The following EXOC6 variants were observed in gnomAD, a reference collection of about 807,000 sequenced individuals.
The protein encoded by EXOC6 is SEC15-like 1.
Under a neutral mutation model 112.5 loss-of-function variants are expected in EXOC6, and 60 were observed. That is an observed-to-expected ratio of 0.53 (90% CI 0.43 to 0.66). EXOC6 has a LOEUF of 0.66. Ranked by LOEUF, EXOC6 falls within the 30% of genes least tolerant of loss-of-function variation. The pLI, the probability that EXOC6 is intolerant of heterozygous loss-of-function variation, is 0.00. For synonymous variants in EXOC6, 295 were observed against 308.0 expected, an observed-to-expected ratio of 0.96 and a Z score of 0.44; for missense variants, 855 against 957.1, an observed-to-expected ratio of 0.89 and a Z score of 1.41.
chr10:92,874,556 A>ATG (rs139632796), intron 1 of EXOC6, among the ~76,000 whole-genome samples: 544 of 151,406 alleles, frequency 3.6e-3, no homozygotes, highest in African/African-American at 0.012. Context: ...ATTGTAAGAA[A>ATG]TGTGTGTGTG....
At chr10:92,957,944 G>A (rs1853782748) in intron 17 of EXOC6, among the ~76,000 whole-genome samples, 1 of 152,078 alleles carries the variant, frequency 6.6e-6, no homozygotes, top group South Asian at 2.1e-4. Context: ...TCAGTTCAGT[G>A]ACCCTAGAAA....
chr10:92,961,701 G>GT (rs11374075), intron 17 of EXOC6, among the ~76,000 whole-genome samples: 104,857 of 145,586 alleles, frequency 0.72, 38,066 homozygotes, highest in East Asian at 0.98. Flanking sequence ...TCCGCTTTCT[G>GT]TTTTTTTTTT....
At chr10:93,036,447 T>G (rs894824733) in intron 20 of EXOC6, among the ~76,000 whole-genome samples, 1 of 152,212 alleles carries the variant, frequency 6.6e-6, no homozygotes, top group Non-Finnish European at 1.5e-5. Flanking sequence ...TTCATTCTTT[T>G]TAATTTCTTT....
intron 18 of EXOC6, among the ~76,000 whole-genome samples, chr10:92,989,648 TACTC>T (rs1843151196): frequency 6.6e-6 from 1 of 152,236 alleles, no homozygotes; most frequent in African/African-American, 2.4e-5. Flanking sequence ...TTGCCCTTTT[TACTC>T]ACTCGATATA....
At chr10:92,868,763 T>G (rs1848298209) in intron 1 of EXOC6, among the ~76,000 whole-genome samples, 1 of 151,866 alleles carries the variant, frequency 6.6e-6, no homozygotes, top group Admixed American at 6.6e-5. Context: ...CTCACTATTT[T>G]AATTGGGCCC....
chr10:92,994,783 AAT>A lies in EXOC6; in HGVS notation c.1954-2689_1954-2688del, dbSNP rs574378725. ...AGGCATCAATAATAATAATAATAAT[AAT>A]AGTGTTCAGAAGATTATACCAGAGT... is the stretch of plus-strand genomic sequence containing the variant. On this transcript the variant is annotated intron_variant, in intron 18 of 21. Transcript: ENST00000260762. Among the ~76,000 whole-genome samples, 492 of 152,042 alleles carry A rather than the reference AAT, an allele frequency of 3.2e-3. 7 individuals are homozygous for A. Among genetic ancestry groups the A allele is most frequent in the African/African-American group, 0.011 (465 of 41,544 alleles).
chr10:92,977,271 A>G (rs987716279), intron 18 of EXOC6, among the ~76,000 whole-genome samples: 20 of 82,860 alleles, frequency 2.4e-4, no homozygotes, highest in Admixed American at 1.5e-3. Context: ...TGGAATGGGG[A>G]AAAAAAAAGG....
intron 1 of EXOC6, among the ~76,000 whole-genome samples, chr10:92,892,660 C>T (rs1486176771): frequency 6.6e-6 from 1 of 152,190 alleles, no homozygotes; most frequent in African/African-American, 2.4e-5. Context: ...GAATCAGTGG[C>T]AAGGGTAGTC....
intron 9 of EXOC6, among the ~76,000 whole-genome samples, chr10:92,932,346 ATGT>A (rs1472246543): frequency 1.3e-5 from 2 of 152,112 alleles, no homozygotes; most frequent in Non-Finnish European, 2.9e-5. Flanking sequence ...TGAGATGGAA[ATGT>A]TGTATTTTTT....
At chr10:92,998,095 C>T (rs1024759382) in intron 19 of EXOC6, among the ~76,000 whole-genome samples, 3 of 152,004 alleles carry the variant, frequency 2.0e-5, no homozygotes, top group African/African-American at 7.2e-5. Flanking sequence ...TTGTTTTTCA[C>T]TTTATTTTTT....
intron 5 of EXOC6, chr10:92,899,869 G>C (rs945755164): frequency 2.4e-6 from 1 of 423,576 alleles, no homozygotes; most frequent in African/African-American, 2.1e-5. Context: ...TGGTAATGTT[G>C]ATCAAGTACA....
At chr10:92,918,577 A>G (rs991197699) in intron 7 of EXOC6, among the ~76,000 whole-genome samples, 3 of 152,046 alleles carry the variant, frequency 2.0e-5, no homozygotes, top group African/African-American at 7.2e-5. Context: ...TGTATATACT[A>G]TATCCAGCTA....
intron 20 of EXOC6, among the ~76,000 whole-genome samples, chr10:93,033,961 A>C (rs1845391335): frequency 6.6e-6 from 1 of 152,236 alleles, no homozygotes; most frequent in Non-Finnish European, 1.5e-5. Context: ...ACTTGTTGAC[A>C]AGAACACTAT....
At chr10:93,019,216 G>A (rs1844671536) in intron 20 of EXOC6, among the ~76,000 whole-genome samples, 1 of 152,264 alleles carries the variant, frequency 6.6e-6, no homozygotes, top group South Asian at 2.1e-4. Context: ...CAGGGCTCAA[G>A]CAATCCACCC....
At chr10:93,007,232 A>G (rs1387893804) in intron 19 of EXOC6, among the ~76,000 whole-genome samples, 9 of 152,084 alleles carry the variant, frequency 5.9e-5, no homozygotes, top group Non-Finnish European at 1.3e-4. Flanking sequence ...CCTCGTAACA[A>G]ACCCTTTACA....
At position 92,893,348 on chromosome 10, in the gene EXOC6, G is replaced by T; in HGVS notation, c.102-1G>T. 1 of 1,602,628 alleles carries T rather than the reference G, an allele frequency of 6.2e-7. No individual in the cohort carries two copies. The highest frequency in any genetic ancestry group is 8.5e-7 in the Non-Finnish European group (1 of 1,174,344). Reference sequence around the variant, plus strand: ...ATTTTAGCTTTCTTATATACATTCAGGTCTGTGTATGATGACCAACCAAAT... The same window carrying T: ...ATTTTAGCTTTCTTATATACATTCATGTCTGTGTATGATGACCAACCAAAT... On this transcript the variant is annotated splice_acceptor_variant, in intron 1 of 21. Transcript: ENST00000260762. LOFTEE classifies it high-confidence loss of function.
chr10:92,930,227 G>A (rs1851950752), intron 9 of EXOC6, among the ~76,000 whole-genome samples: 1 of 152,210 alleles, frequency 6.6e-6, no homozygotes, highest in African/African-American at 2.4e-5. Context: ...GCTGGGCTGG[G>A]TGCAGTGGCT....
intron 5 of EXOC6, among the ~76,000 whole-genome samples, chr10:92,903,387 T>A (rs867873003): frequency 2.2e-4 from 33 of 151,286 alleles, no homozygotes; most frequent in African/African-American, 7.5e-4. Context: ...TTTTTTTTTT[T>A]ACCATCAGTG....
At chr10:92,935,191 C>T (rs1396795888) in intron 11 of EXOC6, among the ~76,000 whole-genome samples, 1 of 151,786 alleles carries the variant, frequency 6.6e-6, no homozygotes, top group African/African-American at 2.4e-5. Flanking sequence ...ATACACTATC[C>T]AATGAACTAC....
Sources: allele counts gnomAD v4.1 joint callset (sites outside exome capture counted in the v4.1 genomes callset), GRCh38; gene constraint gnomAD v4.1.1; transcripts MANE v1.5; gene names NCBI Gene and HGNC (gene_info 2026-07-23, HGNC 2026-07-21).